Variants in GPC6 observed in about 807,000 individuals in gnomAD.
GPC6 encodes the protein glypican-6.
Under a neutral mutation model 55.2 loss-of-function variants are expected in GPC6, and 14 were observed. The ratio of observed to expected loss-of-function variants is 0.25; its 90% CI spans 0.17 to 0.40. GPC6 has a LOEUF of 0.40. Among genes scored for constraint, GPC6 ranks in the 10% least tolerant of loss-of-function variants. The pLI, the probability that GPC6 is intolerant of heterozygous loss-of-function variation, is 1.00. For missense variants in GPC6, 641 were observed against 708.5 expected, an observed-to-expected ratio of 0.90 and a Z score of 1.08; for synonymous variants, 278 against 259.6, an observed-to-expected ratio of 1.07 and a Z score of -0.68.
At chr13:93,542,637 T>C (rs1002348661) in intron 1 of GPC6, among the ~76,000 whole-genome samples, 8 of 152,202 alleles carry the variant, frequency 5.3e-5, no homozygotes, top group African/African-American at 1.9e-4. Flanking sequence ...TTCGTGATAT[T>C]GATTCTTCCT....
intron 2 of GPC6, among the ~76,000 whole-genome samples, chr13:93,720,368 G>C (rs1204223189): frequency 6.6e-6 from 1 of 151,996 alleles, no homozygotes; most frequent in African/African-American, 2.4e-5. Flanking sequence ...GGTGTTTGTA[G>C]TATTCTCTGA....
intron 3 of GPC6, among the ~76,000 whole-genome samples, chr13:93,881,200 T>C (rs1017676332): frequency 1.3e-5 from 2 of 152,116 alleles, no homozygotes; most frequent in Non-Finnish European, 1.5e-5. Context: ...AAGTCCTGTC[T>C]CTTTTTCCCT....
intron 2 of GPC6, among the ~76,000 whole-genome samples, chr13:93,641,628 C>T (rs1158084766): frequency 6.6e-6 from 1 of 152,020 alleles, no homozygotes; most frequent in Non-Finnish European, 1.5e-5. Context: ...GGGTTGGACC[C>T]TTCACCTCAC....
At chr13:93,484,802 A>G (rs965871114) in intron 1 of GPC6, among the ~76,000 whole-genome samples, 1 of 152,206 alleles carries the variant, frequency 6.6e-6, no homozygotes, top group Non-Finnish European at 1.5e-5. Context: ...TGTGTTAGCG[A>G]TGACTATTGC....
chr13:93,229,157 C>T (rs61963718), intron 1 of GPC6, among the ~76,000 whole-genome samples: 21,731 of 152,144 alleles, frequency 0.14, 1,982 homozygotes, highest in Middle Eastern at 0.24. Flanking sequence ...CGACTGTCCC[C>T]ACAGCTCCTT....
At chr13:93,667,203 T>G (rs1253332538) in intron 2 of GPC6, among the ~76,000 whole-genome samples, 1 of 152,202 alleles carries the variant, frequency 6.6e-6, no homozygotes, top group Non-Finnish European at 1.5e-5. Context: ...GCTAAACATT[T>G]ATTTCTTTGA....
At chr13:93,316,879 G>T (rs1879264838) in intron 1 of GPC6, among the ~76,000 whole-genome samples, 1 of 152,070 alleles carries the variant, frequency 6.6e-6, no homozygotes, top group Non-Finnish European at 1.5e-5. Context: ...TTCTGAGAAG[G>T]TGTTGTACCT....
intron 2 of GPC6, among the ~76,000 whole-genome samples, chr13:93,684,741 T>G (rs1881985390): frequency 6.6e-6 from 1 of 152,132 alleles, no homozygotes; most frequent in African/African-American, 2.4e-5. Context: ...AAGTAAAAAT[T>G]TTATTGTAAT....
At chr13:93,653,222 C>G (rs767074797) in intron 2 of GPC6, among the ~76,000 whole-genome samples, 3 of 152,150 alleles carry the variant, frequency 2.0e-5, no homozygotes, top group Admixed American at 1.3e-4. Flanking sequence ...CTATAGTTAT[C>G]AATATCATAT....
chr13:94,188,072 C>T (rs1417850782), intron 4 of GPC6: 1 of 152,206 alleles, frequency 6.6e-6, no homozygotes, highest in Admixed American at 6.5e-5. Context: ...ACCCTCCCAG[C>T]AGACACTGCT....
intron 1 of GPC6, among the ~76,000 whole-genome samples, chr13:93,341,617 C>T: frequency 6.7e-6 from 1 of 150,268 alleles, no homozygotes; most frequent in East Asian, 1.9e-4. Context: ...TGCTGATTTG[C>T]TTGAGTTCCT....
At chr13:93,676,234 TATATATATACACAC>T (rs1436761812) in intron 2 of GPC6, among the ~76,000 whole-genome samples, 20 of 148,988 alleles carry the variant, frequency 1.3e-4, no homozygotes, top group Admixed American at 6.1e-4. Context: ...CATGTATATG[TATATATATACACAC>T]ATATATATAC....
In GPC6 at chr13:94,166,943, G is replaced by C. The variant is rs1888388364; in HGVS notation, c.878-119406G>C. Among the ~76,000 whole-genome samples the C allele has an allele frequency of 2.0e-5, 3 of 152,246 alleles. No homozygotes were observed. The South Asian group carries it at 6.2e-4, about 32-fold the overall frequency. Reference sequence around the variant, plus strand: ...TAAAGTTGATTTCTCAGCTTCAAGTGCTAAATGGAATAAAATGAGCATGGA... The same window carrying C: ...TAAAGTTGATTTCTCAGCTTCAAGTCCTAAATGGAATAAAATGAGCATGGA... On this transcript the variant is annotated intron_variant, in intron 4 of 8. Coordinates refer to ENST00000377047, the MANE Select transcript of GPC6 (RefSeq NM_005708.5).
chr13:94,230,212 T>C (rs1890679887), intron 4 of GPC6, among the ~76,000 whole-genome samples: 1 of 152,116 alleles, frequency 6.6e-6, no homozygotes, highest in Non-Finnish European at 1.5e-5. Context: ...CCCTTCCTTA[T>C]CTAGAGAAAA....
chr13:93,846,380 C>T (rs976709630), intron 3 of GPC6, among the ~76,000 whole-genome samples: 10 of 152,148 alleles, frequency 6.6e-5, no homozygotes, highest in Admixed American at 3.3e-4. Context: ...CAGAATGACA[C>T]AGAGCCTATG....
rs752514342 is a variant in GPC6 at position 93,377,207 on chromosome 13, C to G, written c.160+149591C>G. ...CTTCATGCTTAGGGTAAAGATGGGC[C>G]AGAGAAACACCAGAGCATTGAAGTG... is the stretch of plus-strand genomic sequence containing the variant. On this transcript the variant is annotated intron_variant, in intron 1 of 8. Transcript: ENST00000377047. 1.1e-4 allele frequency among the ~76,000 whole-genome samples: 17 copies of G among 152,220 alleles called. 1 individual carries two copies. The East Asian group carries it at 3.3e-3, about 29-fold the overall frequency.
intron 2 of GPC6, among the ~76,000 whole-genome samples, chr13:93,617,878 G>T (rs561499740): frequency 6.6e-6 from 1 of 151,960 alleles, no homozygotes; most frequent in Non-Finnish European, 1.5e-5. Flanking sequence ...TCAAAAGTCA[G>T]GTGTGTTATT....
At chr13:93,937,523 C>T (rs1375889437) in intron 3 of GPC6, among the ~76,000 whole-genome samples, 1 of 152,110 alleles carries the variant, frequency 6.6e-6, no homozygotes, top group Non-Finnish European at 1.5e-5. Flanking sequence ...AAGTTTACAC[C>T]TACATGTAGT....
chr13:93,766,434 A>G (rs1885132505), intron 2 of GPC6, among the ~76,000 whole-genome samples: 1 of 152,182 alleles, frequency 6.6e-6, no homozygotes. Context: ...CCCATCGTTA[A>G]CAATACTATA....
Sources: allele counts gnomAD v4.1 joint callset (sites outside exome capture counted in the v4.1 genomes callset), GRCh38; gene constraint gnomAD v4.1.1; transcripts MANE v1.5; gene names NCBI Gene and HGNC (gene_info 2026-07-23, HGNC 2026-07-21).